POU6F2: variants seen among roughly 807,000 people sequenced by gnomAD.
POU6F2 encodes POU class 6 homeobox 2, also known as POU domain, class 6, transcription factor 2.
Under a neutral mutation model 71.3 loss-of-function variants are expected in POU6F2, and 31 were observed. The observed-to-expected ratio is 0.43, with a 90% CI of 0.33 to 0.59. The LOEUF (loss-of-function observed/expected upper bound fraction) is 0.59, where lower values mean the gene tolerates loss of function less well. Ranked by LOEUF, POU6F2 falls within the 20% of genes least tolerant of loss-of-function variation. The probability of loss-of-function intolerance (pLI) is 0.04; values close to 1 mark genes in which losing one functional copy is unlikely to be tolerated. For missense variants in POU6F2, 783 were observed against 856.8 expected (o/e 0.91, Z 1.07); for synonymous variants, 347 against 355.7 (o/e 0.98, Z 0.27).
In POU6F2 at chr7:39,015,998, A is replaced by AGATATATTATATATTGTATATT. The variant is rs1562671081; in HGVS notation, c.105+37947_105+37948insTATATATTGTATATTGATATAT. Among the ~76,000 whole-genome samples the AGATATATTATATATTGTATATT allele has an allele frequency of 3.5e-4, 12 of 34,094 alleles. 1 individual carries two copies. The highest frequency in any genetic ancestry group is 2.5e-3 in the South Asian group (2 of 802). 22.4% of individuals were successfully genotyped at this position (34,094 alleles called of 152,430 possible). A position where few individuals can be genotyped will look rare whatever the true frequency, so the allele number is the denominator to read the frequency against. On this transcript the variant is annotated intron_variant, in intron 1 of 9. Transcript: ENST00000518318. ...TTATATATAGATATATATAATATAT[A>AGATATATTATATATTGTATATT]GATATATATTATATATTATATATAT... is the stretch of plus-strand genomic sequence containing the variant.
intron 2 of POU6F2, among the ~76,000 whole-genome samples, chr7:39,088,773 T>C (rs1475368946): frequency 1.3e-5 from 2 of 152,122 alleles, no homozygotes; most frequent in Non-Finnish European, 2.9e-5. Context: ...GTACCTGAAA[T>C]TTCAGTATAA....
At chr7:39,058,722 G>T (rs1402241081) in intron 1 of POU6F2, among the ~76,000 whole-genome samples, 3 of 152,138 alleles carry the variant, frequency 2.0e-5, no homozygotes, top group African/African-American at 4.8e-5. Flanking sequence ...TACATGACTA[G>T]ATACGTAAAT....
At chr7:39,122,438 C>T (rs1429413882) in intron 2 of POU6F2, among the ~76,000 whole-genome samples, 1 of 152,182 alleles carries the variant, frequency 6.6e-6, no homozygotes, top group Non-Finnish European at 1.5e-5. Flanking sequence ...TGTTCATAGG[C>T]CACCGGTGCC....
At chr7:39,027,946 A>T (rs1789851943) in intron 1 of POU6F2, among the ~76,000 whole-genome samples, 1 of 152,220 alleles carries the variant, frequency 6.6e-6, no homozygotes, top group South Asian at 2.1e-4. Context: ...ATACCAATTT[A>T]TATTCCTACA....
chr7:39,175,287 C>A (rs1018162926), intron 2 of POU6F2, among the ~76,000 whole-genome samples: 2 of 152,184 alleles, frequency 1.3e-5, no homozygotes, highest in African/African-American at 4.8e-5. Flanking sequence ...TAGACACTTT[C>A]ATTCAGACAT....
In POU6F2 at chr7:39,060,357, G is replaced by A. The variant is rs374429860; in HGVS notation, c.106-25503G>A. ...AGAAGATAATGGAGTTATAACTCAA[G>A]GTATTTTTAAGGTGTTGAAATGTTG... On this transcript the variant is annotated intron_variant, in intron 1 of 9. Transcript: ENST00000518318. Among the ~76,000 whole-genome samples, 42 of 152,242 alleles carry A rather than the reference G, an allele frequency of 2.8e-4. 2 individuals are homozygous for A. In the South Asian group the frequency reaches 7.7e-3, roughly 28 times the overall value.
At chr7:39,423,321 G>A (rs1414833732) in intron 6 of POU6F2, among the ~76,000 whole-genome samples, 1 of 152,174 alleles carries the variant, frequency 6.6e-6, no homozygotes, top group African/African-American at 2.4e-5. Flanking sequence ...CTTAAGAGAG[G>A]ATTTACAGAA....
At chr7:39,187,345 G>C (rs1175697973) in intron 2 of POU6F2, among the ~76,000 whole-genome samples, 4 of 152,196 alleles carry the variant, frequency 2.6e-5, no homozygotes, top group Admixed American at 1.3e-4. Context: ...TCGCCTGCCT[G>C]TTCCACCCCA....
chr7:39,356,388 G>T (rs768078213), intron 5 of POU6F2, among the ~76,000 whole-genome samples: 1 of 152,134 alleles, frequency 6.6e-6, no homozygotes, highest in Non-Finnish European at 1.5e-5. Context: ...GACCCCTCAT[G>T]GCTCACTTCA....
At chr7:39,194,699 A>G (rs920145973) in intron 2 of POU6F2, among the ~76,000 whole-genome samples, 7 of 152,126 alleles carry the variant, frequency 4.6e-5, no homozygotes, top group Admixed American at 2.0e-4. Context: ...GCTGTGGGAT[A>G]TTTGTTCTTT....
chr7:38,999,320 T>G (rs187678757), intron 1 of POU6F2, among the ~76,000 whole-genome samples: 9 of 152,260 alleles, frequency 5.9e-5, no homozygotes, highest in African/African-American at 2.2e-4. Flanking sequence ...TCTTTACACA[T>G]AGTAGGCACT....
intron 1 of POU6F2, among the ~76,000 whole-genome samples, chr7:39,066,494 T>C (rs957590317): frequency 1.3e-5 from 2 of 151,784 alleles, no homozygotes. Context: ...ATAGCTTTTC[T>C]ATATAAGAGC....
chr7:39,130,427 TG>T (rs1337604540), intron 2 of POU6F2, among the ~76,000 whole-genome samples: 1 of 152,154 alleles, frequency 6.6e-6, no homozygotes, highest in African/African-American at 2.4e-5. Context: ...TGACAGTACA[TG>T]GAACAGCATC....
chr7:39,297,360 T>C (rs116573817), intron 4 of POU6F2, among the ~76,000 whole-genome samples: 2,073 of 152,226 alleles, frequency 0.014, 39 homozygotes, highest in African/African-American at 0.047. Context: ...TTACCTTCAC[T>C]ATAAGACAAA....
chr7:39,254,120 A>G (rs1359587890), intron 4 of POU6F2, among the ~76,000 whole-genome samples: 1 of 152,154 alleles, frequency 6.6e-6, no homozygotes, highest in East Asian at 1.9e-4. Context: ...CAGAGCTCAG[A>G]CAGCTCCAGA....
intron 1 of POU6F2, among the ~76,000 whole-genome samples, chr7:39,065,590 GA>G (rs766955091): frequency 2.3e-4 from 35 of 151,138 alleles, no homozygotes; most frequent in South Asian, 2.1e-3. Flanking sequence ...TAAAATAGGG[GA>G]AAAAAAGCAT....
chr7:39,147,215 A>G (rs1792641842), intron 2 of POU6F2, among the ~76,000 whole-genome samples: 1 of 152,196 alleles, frequency 6.6e-6, no homozygotes, highest in Non-Finnish European at 1.5e-5. Flanking sequence ...CGGTTGGTAC[A>G]AAAGTAATTG....
intron 4 of POU6F2, among the ~76,000 whole-genome samples, chr7:39,322,060 A>G (rs1043325318): frequency 6.6e-6 from 1 of 152,194 alleles, no homozygotes; most frequent in Admixed American, 6.5e-5. Context: ...GCTTTTCTAT[A>G]AACTGTTTGA....
chr7:39,170,995 T>G (rs1377643960), intron 2 of POU6F2, among the ~76,000 whole-genome samples: 2 of 151,124 alleles, frequency 1.3e-5, no homozygotes, highest in African/African-American at 4.8e-5. Context: ...GAATTAGAAT[T>G]TAAATGTAGT....
Sources: gnomAD v4.1 joint callset for allele counts (sites outside exome capture counted in the v4.1 genomes callset) on GRCh38, gnomAD v4.1.1 for gene constraint, MANE v1.5 for transcripts, NCBI Gene and HGNC (gene_info 2026-07-23, HGNC 2026-07-21) for gene names.